FMNL3: variants seen among roughly 807,000 people sequenced by gnomAD.
FMNL3 encodes formin-like protein 3.
In FMNL3, 57 loss-of-function variants were observed where a neutral mutation model predicts 119.6. That is an observed-to-expected ratio of 0.48 (90% CI 0.39 to 0.59). FMNL3 has a LOEUF of 0.59. Among genes scored for constraint, FMNL3 ranks in the 20% least tolerant of loss-of-function variants. The pLI, the probability that FMNL3 is intolerant of heterozygous loss-of-function variation, is 0.00. For synonymous variants in FMNL3, 491 were observed against 507.3 expected (o/e 0.97, Z 0.43); for missense variants, 1,053 against 1,323.5 (o/e 0.80, Z 3.17).
At position 49,658,444 on chromosome 12, in the gene FMNL3, G is replaced by C; in HGVS notation, c.603C>G (p.Leu201=). 1 of 1,600,732 alleles carries C rather than the reference G, an allele frequency of 6.2e-7. No individual in the cohort carries two copies. The highest frequency in any genetic ancestry group is 8.5e-7 in the Non-Finnish European group (1 of 1,172,068). ...SLARSARQSV[L]RYSTLPGRRA... ...GGGCAGAGCAAAAGCACACATACCGGAGCACAGACTGGCGCGCAGAGCGAG... is the reference window on the plus strand; with the variant it reads ...GGGCAGAGCAAAAGCACACATACCGCAGCACAGACTGGCGCGCAGAGCGAG... Residue 201 remains leucine (L), a splice_region_variant and synonymous_variant, in exon 6 of 26, where the codon CTC becomes CTG. Transcript: ENST00000335154.
intron 16 of FMNL3, 133 bp from the exon 17 acceptor site, chr12:49,651,011 C>A: frequency 6.8e-7 from 1 of 1,463,046 alleles, no homozygotes; most frequent in South Asian, 1.2e-5. Context: ...AAAGTGTTGA[C>A]ACAACTAGAA....
intron 1 of FMNL3, among the ~76,000 whole-genome samples, chr12:49,703,517 C>A (rs1159221681): frequency 6.6e-6 from 1 of 151,816 alleles, no homozygotes; most frequent in Non-Finnish European, 1.5e-5. Flanking sequence ...TTTTTCCCAT[C>A]GAGGCACACC....
intron 1 of FMNL3, among the ~76,000 whole-genome samples, chr12:49,678,227 G>A (rs1261296614): frequency 2.6e-5 from 4 of 151,154 alleles, no homozygotes; most frequent in African/African-American, 9.8e-5. Flanking sequence ...GTGTGATCTC[G>A]GCTCACCACA....
chr12:49,647,772 G>T lies in FMNL3; in HGVS notation c.2709C>A (p.Gly903=). 1 of 1,613,852 alleles carries T rather than the reference G, an allele frequency of 6.2e-7. No individual in the cohort carries two copies. Among genetic ancestry groups the T allele is most frequent in the African/African-American group, 1.3e-5 (1 of 74,948 alleles). ...EAYNAVVRYF[G]ESPKTTPPSV... ...AAGGAGGTGTAGTCTTGGGACTCTC[G>T]CCAAAGTAGCGCACAACTGCATTGT... The change falls in exon 23 of 26, where the codon GGC becomes GGA. Residue 903 remains glycine (G), a synonymous_variant. Transcript: ENST00000335154. The surrounding 1 kb of genome is among the most constrained non-coding windows in gnomAD (Gnocchi z 4.9).
At position 49,636,850 on chromosome 12, in the gene FMNL3, G is replaced by A; in HGVS notation, c.*8965C>T. 3 of 1,613,668 alleles carry A rather than the reference G, an allele frequency of 1.9e-6. No individual in the cohort carries two copies. Among genetic ancestry groups the A allele is most frequent in the Non-Finnish European group, 2.5e-6 (3 of 1,179,988 alleles). On this transcript the variant is annotated 3_prime_UTR_variant, in exon 26 of 26. Transcript: ENST00000335154. ...ACGCAAGAATCGGGAGGCCTTCCAG[G>A]TATCTTTGCTGTCCTTTCTAGATCA...
chr12:49,697,251 G>A (rs1490084236), intron 1 of FMNL3, among the ~76,000 whole-genome samples: 1 of 152,146 alleles, frequency 6.6e-6, no homozygotes, highest in Non-Finnish European at 1.5e-5. Context: ...AGAGGAATCA[G>A]GTATTAAACC....
At position 49,644,680 on chromosome 12, in the gene FMNL3, T is replaced by C. The variant is rs1461973182; in HGVS notation, c.*1135A>G. On this transcript the variant is annotated 3_prime_UTR_variant, in exon 26 of 26. Transcript: ENST00000335154. ...TTTATAACATGGCCAGTGACTCTTT[T>C]CCATGTGCTACTGGGGCAGGCTGGG... 1 of 179,074 alleles carries C rather than the reference T, an allele frequency of 5.6e-6. No homozygotes were observed. Among genetic ancestry groups the C allele is most frequent in the Non-Finnish European group, 1.2e-5 (1 of 82,442 alleles). The allele number at this position is 179,074 out of a possible 1,614,324, so 11.1% of individuals were successfully genotyped here.
chr12:49,668,367 GT>G (rs1349524110), intron 2 of FMNL3, 103 bp downstream of exon 2: 2 of 1,018,512 alleles, frequency 2.0e-6, no homozygotes, highest in African/African-American at 3.2e-5. Context: ...TTAGGCCAGG[GT>G]TCCTCAAGGA....
chr12:49,677,673 G>A (rs952023658), intron 1 of FMNL3, among the ~76,000 whole-genome samples: 2 of 152,100 alleles, frequency 1.3e-5, no homozygotes, highest in Non-Finnish European at 2.9e-5. Context: ...AATAAATAGG[G>A]TATGGTCACT....
At chr12:49,705,570 T>A (rs1230692540) in intron 1 of FMNL3, among the ~76,000 whole-genome samples, 2 of 152,058 alleles carry the variant, frequency 1.3e-5, no homozygotes, top group African/African-American at 4.8e-5. Context: ...AGAGTGCAGA[T>A]CCCCTCCCAC....
rs776443316 is a variant in FMNL3, at chr12:49,652,024, G to T, written c.1512C>A (p.Asp504Glu). 6.2e-7 allele frequency: 1 copy of T among 1,608,372 alleles called. No homozygotes were observed. The highest frequency in any genetic ancestry group is 1.3e-5 in the African/African-American group (1 of 74,870). The change falls in exon 14 of 26, where the codon GAC becomes GAA. Residue 504 changes from aspartate to glutamate, a missense_variant. By Grantham distance (45) the Asp-to-Glu change is conservative. Around this residue, in one of 4 missense-constraint regions of FMNL3, gnomAD observed 445 missense variants for 628.4 expected, o/e 0.71. Coordinates refer to ENST00000335154, the MANE Select transcript of FMNL3 (RefSeq NM_175736.5). ...LSEGMPPSDLDLLAPAPPPEE... is the reference protein window; with the variant it reads ...LSEGMPPSDLELLAPAPPPEE... The stretch of plus-strand genomic sequence containing the variant: ...CAGGGGGTGGGGCTGGAGCCAGAAG[G>T]TCCAGGTCGGAGGGTGGCATGCCCT...
chr12:49,638,112 ATT>A lies in FMNL3; in HGVS notation c.*7701_*7702del, dbSNP rs1942095157. The stretch of plus-strand genomic sequence containing the variant: ...TAACATTTGAACTGTGCATTTAGAA[ATT>A]TGTAGGTGGAAGAGGTTGGAGTGTA... On this transcript the variant is annotated 3_prime_UTR_variant, in exon 26 of 26. Transcript: ENST00000335154. The A allele has an allele frequency of 5.3e-6, 2 of 380,332 alleles. No homozygotes were observed. Among genetic ancestry groups the A allele is most frequent in the South Asian group, 6.4e-5 (2 of 31,226 alleles). 23.6% of individuals were successfully genotyped at this position (380,332 alleles called of 1,614,324 possible). A position where few individuals can be genotyped will look rare whatever the true frequency, so the allele number is the denominator to read the frequency against.
At chr12:49,679,486 C>T (rs1483247843) in intron 1 of FMNL3, among the ~76,000 whole-genome samples, 2 of 148,606 alleles carry the variant, frequency 1.3e-5, no homozygotes, top group African/African-American at 4.9e-5. Context: ...CATTAGCACT[C>T]ATATTCAATC....
intron 2 of FMNL3, 101 bp from the exon 3 acceptor site, chr12:49,666,308 C>T: frequency 2.0e-6 from 2 of 1,022,034 alleles, no homozygotes; most frequent in Non-Finnish European, 2.9e-6. Flanking sequence ...GTGAGGGGGA[C>T]TCAGCCTCTC....
In FMNL3 at chr12:49,638,791, A is replaced by G. The variant is rs1811176855; in HGVS notation, c.*7024T>C. The G allele has an allele frequency of 6.6e-6, 1 of 152,186 alleles. No individual in the cohort carries two copies. Among genetic ancestry groups the G allele is most frequent in the African/African-American group, 2.4e-5 (1 of 41,450 alleles). 9.4% of individuals were successfully genotyped at this position (152,186 alleles called of 1,614,324 possible). The stretch of plus-strand genomic sequence containing the variant: ...TTGACCTTTCTGACCCTGTTTCCTC[A>G]TCTAAAAAATGGTGAGTGTTCCACC... On this transcript the variant is annotated 3_prime_UTR_variant, in exon 26 of 26. Transcript: ENST00000335154.
chr12:49,706,515 A>ACCC (rs1405616606), intron 1 of FMNL3, among the ~76,000 whole-genome samples: 1 of 150,788 alleles, frequency 6.6e-6, no homozygotes, highest in East Asian at 1.9e-4. Flanking sequence ...TCTTTATTCC[A>ACCC]CCCCCTTCAG....
At chr12:49,696,372 A>C (rs1161023723) in intron 1 of FMNL3, among the ~76,000 whole-genome samples, 1 of 152,158 alleles carries the variant, frequency 6.6e-6, no homozygotes, top group East Asian at 1.9e-4. Context: ...CATGTGTATG[A>C]AAAAGTCTGC....
At chr12:49,660,222 C>G (rs1353898663) in intron 5 of FMNL3, among the ~76,000 whole-genome samples, 1 of 152,184 alleles carries the variant, frequency 6.6e-6, no homozygotes, top group Non-Finnish European at 1.5e-5. Context: ...AACACACATT[C>G]TCTCCCCCAC....
rs542478427 is a variant in FMNL3, at chr12:49,647,868, G to C, written c.2677-64C>G. 461 of 1,290,416 alleles carry C rather than the reference G, an allele frequency of 3.6e-4. No individual in the cohort carries two copies. Among genetic ancestry groups the C allele is most frequent in the Non-Finnish European group, 5.0e-4 (449 of 894,056 alleles). 79.9% of individuals were successfully genotyped at this position (1,290,416 alleles called of 1,614,324 possible). ...AAGATCAGCCCAGCTCCCACACCACGGATGAGAGGCCTGCAGAAAGCAGAG... is the reference window on the plus strand; with the variant it reads ...AAGATCAGCCCAGCTCCCACACCACCGATGAGAGGCCTGCAGAAAGCAGAG... On this transcript the variant is annotated intron_variant, in intron 22 of 25. Coordinates refer to ENST00000335154, the MANE Select transcript of FMNL3 (RefSeq NM_175736.5). The surrounding 1 kb of genome is among the most constrained non-coding windows in gnomAD (Gnocchi z 4.9).
Sources: gnomAD v4.1 joint callset for allele counts (sites outside exome capture counted in the v4.1 genomes callset) on GRCh38, gnomAD v4.1.1 for gene constraint, gnomAD v4.1.1 regional missense constraint, Gnocchi (gnomAD v3.1) non-coding constraint, MANE v1.5 for transcripts, NCBI Gene and HGNC (gene_info 2026-07-23, HGNC 2026-07-21) for gene names.